NEMF: variants seen among roughly 807,000 people sequenced by gnomAD.
NEMF encodes the protein ribosome quality control complex subunit NEMF.
NEMF carries 89 observed loss-of-function variants against 162.2 expected under a neutral mutation model. That is an observed-to-expected ratio of 0.55 (90% confidence interval 0.46 to 0.65). The LOEUF is 0.65. Among genes scored for constraint, NEMF ranks in the 30% least tolerant of loss-of-function variants. The pLI, the probability that NEMF is intolerant of heterozygous loss-of-function variation, is 0.00. For synonymous variants in NEMF, 421 were observed against 404.5 expected (o/e 1.04, Z -0.49); for missense variants, 1,133 against 1,261.9 (o/e 0.90, Z 1.55).
intron 16 of NEMF, among the ~76,000 whole-genome samples, chr14:49,824,562 G>C (rs1223474285): frequency 1.1e-5 from 1 of 87,636 alleles, no homozygotes; most frequent in African/African-American, 3.9e-5. Flanking sequence ...AAAAAAAAAA[G>C]TCTGAGGAAA....
intron 11 of NEMF, among the ~76,000 whole-genome samples, chr14:49,830,480 G>A (rs1226705633): frequency 5.3e-5 from 8 of 152,036 alleles, no homozygotes; most frequent in Non-Finnish European, 1.2e-4. Context: ...TGCAACCTCC[G>A]CCTCCCAGGG....
chr14:49,837,219 T>C (rs1435015800), intron 6 of NEMF, among the ~76,000 whole-genome samples: 1 of 152,186 alleles, frequency 6.6e-6, no homozygotes, highest in African/African-American at 2.4e-5. Flanking sequence ...GAGGTTGCAG[T>C]GAGCTGAGAC....
chr14:49,785,116 GAGTA>G lies in NEMF; in HGVS notation c.3045_3048del (p.Thr1016LeufsTer14), dbSNP rs768914226. 6.2e-6 allele frequency: 10 copies of G among 1,605,720 alleles called. No individual in the cohort carries two copies. Among genetic ancestry groups the G allele is most frequent in the Non-Finnish European group, 7.7e-6 (9 of 1,172,720 alleles). The stretch of plus-strand genomic sequence containing the variant: ...CCTTTTCCCTTTTTCTGCACTCCAG[GAGTA>G]AGTTTCACTTTATATCTTTAAAAAG... On this transcript the variant is annotated frameshift_variant, in exon 31 of 33. Transcript: ENST00000298310. LOFTEE classifies it high-confidence loss of function.
chr14:49,806,936 T>C (rs1307520328), intron 18 of NEMF, among the ~76,000 whole-genome samples: 2 of 152,232 alleles, frequency 1.3e-5, no homozygotes, highest in African/African-American at 2.4e-5. Context: ...AGTGGCTTTT[T>C]GTATATTCAT....
At chr14:49,785,062 A>G (rs1288371283) in intron 31 of NEMF, 30 bp downstream of exon 31, 1 of 1,608,154 alleles carries the variant, frequency 6.2e-7, no homozygotes, top group African/African-American at 1.3e-5. Context: ...ACTGTTTAAA[A>G]TCATAATTCA....
chr14:49,815,536 G>C (rs921852019), intron 16 of NEMF, among the ~76,000 whole-genome samples: 1 of 152,208 alleles, frequency 6.6e-6, no homozygotes, highest in East Asian at 1.9e-4. Context: ...AAAACTTTTG[G>C]TTAAAAATGG....
At chr14:49,841,671 T>C (rs1413011306) in intron 4 of NEMF, among the ~76,000 whole-genome samples, 1 of 152,058 alleles carries the variant, frequency 6.6e-6, no homozygotes, top group Non-Finnish European at 1.5e-5. Context: ...CACCTGCAAT[T>C]TGTCTTTTAA....
At chr14:49,794,491 C>G (rs1890594431) in intron 26 of NEMF, among the ~76,000 whole-genome samples, 1 of 151,702 alleles carries the variant, frequency 6.6e-6, no homozygotes, top group South Asian at 2.1e-4. Context: ...ACTTGTGGTC[C>G]CAGCTACTTA....
chr14:49,786,699 C>A lies in NEMF; in HGVS notation c.2928+19G>T. 6.2e-7 allele frequency: 1 copy of A among 1,606,974 alleles called. No individual in the cohort carries two copies. Among genetic ancestry groups the A allele is most frequent in the African/African-American group, 1.3e-5 (1 of 74,890 alleles). On this transcript the variant is annotated intron_variant, in intron 29 of 32. Transcript: ENST00000298310. ...TGTAATCACAGTGTTGTAGTAGGAACCCCAACATAAAATCATACCTCATTT... is the reference window on the plus strand; with the variant it reads ...TGTAATCACAGTGTTGTAGTAGGAAACCCAACATAAAATCATACCTCATTT...
chr14:49,837,768 G>A (rs1476610335), intron 6 of NEMF, among the ~76,000 whole-genome samples: 4 of 147,398 alleles, frequency 2.7e-5, no homozygotes, highest in African/African-American at 1.0e-4. Context: ...TGCTTATTGG[G>A]ATCAAAAGGA....
intron 3 of NEMF, among the ~76,000 whole-genome samples, chr14:49,847,192 C>CTTATTTAT (rs111810839): frequency 1.5e-4 from 22 of 150,214 alleles, no homozygotes; most frequent in African/African-American, 4.9e-4. Flanking sequence ...CCAACCTTTA[C>CTTATTTAT]TTATTTATTT....
chr14:49,840,276 A>G (rs1196284813), intron 5 of NEMF, among the ~76,000 whole-genome samples: 1 of 152,194 alleles, frequency 6.6e-6, no homozygotes, highest in Admixed American at 6.5e-5. Flanking sequence ...AGCAAGGCTA[A>G]CATGTTGAAA....
chr14:49,813,047 T>A (rs1185282882), intron 18 of NEMF, among the ~76,000 whole-genome samples: 2 of 152,182 alleles, frequency 1.3e-5, no homozygotes, highest in Non-Finnish European at 2.9e-5. Context: ...AGTGCTGGGA[T>A]TACAGGTGTG....
At position 49,782,469 on chromosome 14, in the gene NEMF, A is replaced by G. The variant is rs576002003; in HGVS notation, c.*2167T>C. 255 of 1,604,246 alleles carry G rather than the reference A, an allele frequency of 1.6e-4. 1 individual carries two copies. In the Middle Eastern group the frequency reaches 2.0e-3, roughly 13 times the overall value. Reference sequence around the variant, plus strand: ...TCCATCACAGAGCTGTAAGTATACTACCTTCACATTATTACTGAAACTTAC... The same window carrying G: ...TCCATCACAGAGCTGTAAGTATACTGCCTTCACATTATTACTGAAACTTAC... On this transcript the variant is annotated 3_prime_UTR_variant, in exon 33 of 33. Transcript: ENST00000298310.
At chr14:49,802,172 C>A (rs1036851744) in intron 22 of NEMF, among the ~76,000 whole-genome samples, 2 of 151,864 alleles carry the variant, frequency 1.3e-5, no homozygotes, top group African/African-American at 4.8e-5. Context: ...GTCTCAAACT[C>A]CTGAGCTCTA....
intron 19 of NEMF, among the ~76,000 whole-genome samples, chr14:49,804,489 A>C (rs1891096033): frequency 6.6e-6 from 1 of 151,726 alleles, no homozygotes; most frequent in Non-Finnish European, 1.5e-5. Context: ...CAGCCTGGCT[A>C]AGATGGTGAA....
In NEMF at chr14:49,784,609, C is replaced by T. The variant is rs1890070849; in HGVS notation, c.*27G>A. 1.9e-6 allele frequency: 3 copies of T among 1,551,668 alleles called. No homozygotes were observed. Among genetic ancestry groups the T allele is most frequent in the South Asian group, 2.3e-5 (2 of 87,100 alleles). ...CCAAAAGGCTATAAAATTGGCTCTT[C>T]TCAAATATTTTAGAATTTCATTTCA... On this transcript the variant is annotated 3_prime_UTR_variant, in exon 33 of 33. Transcript: ENST00000298310.
At chr14:49,816,315 G>C (rs149821231) in intron 16 of NEMF, among the ~76,000 whole-genome samples, 1 of 152,120 alleles carries the variant, frequency 6.6e-6, no homozygotes, top group Admixed American at 6.6e-5. Context: ...TTTGCCTTGT[G>C]ATCTTTGCTT....
chr14:49,785,376 T>C (rs1256864596), intron 29 of NEMF, 56 bp from the exon 30 acceptor site: 2 of 1,169,778 alleles, frequency 1.7e-6, no homozygotes, highest in Non-Finnish European at 2.6e-6. Context: ...TTACAAAAAA[T>C]GCTAAAACAC....
Sources: allele counts gnomAD v4.1 joint callset (sites outside exome capture counted in the v4.1 genomes callset), GRCh38; gene constraint gnomAD v4.1.1; transcripts MANE v1.5; gene names NCBI Gene and HGNC (gene_info 2026-07-23, HGNC 2026-07-21).